The following JAK1 variants were observed in gnomAD, a reference collection of about 807,000 sequenced individuals.
JAK1 encodes Janus kinase 1.
A neutral mutation model predicts 136.6 loss-of-function variants in JAK1; 16 were observed. That is an observed-to-expected ratio of 0.12 (90% CI 0.08 to 0.18). The LOEUF (loss-of-function observed/expected upper bound fraction) is 0.18. Among genes scored for constraint, JAK1 ranks in the 10% least tolerant of loss-of-function variants. The pLI is 1.00. For synonymous variants in JAK1, 492 were observed against 519.5 expected (o/e 0.95, Z 0.72); for missense variants, 859 against 1,450.1 (o/e 0.59, Z 6.62).
At chr1:64,981,906 G>A (rs1414991237) in intron 2 of JAK1, among the ~76,000 whole-genome samples, 2 of 152,142 alleles carry the variant, frequency 1.3e-5, no homozygotes, top group East Asian at 3.8e-4. Flanking sequence ...TCACTAAGAA[G>A]AGCACTTATC....
intron 1 of JAK1, among the ~76,000 whole-genome samples, chr1:64,898,347 A>G (rs773434748): frequency 6.6e-6 from 1 of 152,210 alleles, no homozygotes; most frequent in Non-Finnish European, 1.5e-5. Context: ...GTCCTTGGAT[A>G]AAAGGGAATA....
intron 1 of JAK1, among the ~76,000 whole-genome samples, chr1:65,050,705 G>T (rs1185305015): frequency 6.6e-6 from 1 of 152,210 alleles, no homozygotes. Flanking sequence ...GGCAACAGTG[G>T]ACAGGGGAGG....
intron 1 of JAK1, among the ~76,000 whole-genome samples, chr1:64,926,263 C>T (rs1432590350): frequency 6.6e-6 from 1 of 152,110 alleles, no homozygotes; most frequent in Non-Finnish European, 1.5e-5. Flanking sequence ...TCTGAGTACA[C>T]ACTAGATCTT....
chr1:65,061,420 A>C (rs1647787093), intron 1 of JAK1, among the ~76,000 whole-genome samples: 1 of 152,322 alleles, frequency 6.6e-6, no homozygotes, highest in Admixed American at 6.5e-5. Context: ...AGTACAAATA[A>C]AAGCACAAAA....
chr1:65,049,398 G>C (rs1184385202), intron 1 of JAK1, among the ~76,000 whole-genome samples: 5 of 152,054 alleles, frequency 3.3e-5, no homozygotes, highest in African/African-American at 1.2e-4. Context: ...CTCCAGCCTG[G>C]GTAACAGAGT....
At position 64,886,341 on chromosome 1, in the gene JAK1, G is replaced by A. The variant is rs377245647; in HGVS notation, c.-77C>T. On this transcript the variant is annotated splice_region_variant and 5_prime_UTR_variant, in exon 2 of 25. Coordinates refer to ENST00000342505, the MANE Select transcript of JAK1 (RefSeq NM_002227.4). ...CTTTCCAAAGCTACTTCAGAGAAGC[G>A]CTAAAGACAAAAATAAATAAATAAA... The A allele has an allele frequency of 2.6e-5, 39 of 1,507,600 alleles. No individual in the cohort carries two copies. The East Asian group carries it at 4.2e-4, about 16-fold the overall frequency. The allele number at this position is 1,507,600 out of a possible 1,614,324, so 93.4% of individuals were successfully genotyped here.
intron 1 of JAK1, among the ~76,000 whole-genome samples, chr1:64,931,624 C>G (rs140330984): frequency 6.7e-4 from 102 of 152,246 alleles, no homozygotes; most frequent in African/African-American, 2.4e-3. Flanking sequence ...TCAGAGGCCT[C>G]AACCTTTGGG....
chr1:65,024,870 A>G (rs1021871316), intron 2 of JAK1, among the ~76,000 whole-genome samples: 3 of 151,990 alleles, frequency 2.0e-5, no homozygotes, highest in African/African-American at 7.2e-5. Flanking sequence ...TCAACTACTC[A>G]GGAGGCTGAG....
chr1:64,879,718 ACTT>A (rs1337816511), intron 3 of JAK1, among the ~76,000 whole-genome samples: 2 of 152,212 alleles, frequency 1.3e-5, no homozygotes, highest in African/African-American at 2.4e-5. Flanking sequence ...TAATAAATAT[ACTT>A]CTTAAGTACT....
chr1:65,021,996 C>A (rs978045934), intron 2 of JAK1, among the ~76,000 whole-genome samples: 4 of 152,090 alleles, frequency 2.6e-5, no homozygotes, highest in African/African-American at 9.7e-5. Flanking sequence ...AATAACACAA[C>A]GTTAGACTGT....
intron 1 of JAK1, among the ~76,000 whole-genome samples, chr1:64,958,061 CA>C (rs1399757742): frequency 1.3e-5 from 2 of 152,080 alleles, no homozygotes; most frequent in South Asian, 2.1e-4. Context: ...ATTGTTTTTT[CA>C]ACTAGCAAGG....
intron 1 of JAK1, among the ~76,000 whole-genome samples, chr1:64,933,761 C>G (rs1487424561): frequency 1.3e-5 from 2 of 152,296 alleles, no homozygotes; most frequent in East Asian, 3.9e-4. Flanking sequence ...ATTTCTGGCA[C>G]CACAAAATGC....
intron 1 of JAK1, chr1:64,942,297 T>C (rs1487927200): frequency 6.6e-6 from 1 of 152,198 alleles, no homozygotes; most frequent in Non-Finnish European, 1.5e-5. Flanking sequence ...GGCCCTTTGC[T>C]AGATAACCGG....
In JAK1 at chr1:65,029,121, G is replaced by A. The variant is rs533228457; in HGVS notation, c.-78+15359C>T. On this transcript the variant is annotated intron_variant, in intron 2 of 25. Transcript: ENST00000671954. The stretch of plus-strand genomic sequence containing the variant: ...TTCCTTTTTTTTTTCTCCTGAGACA[G>A]GGTCTCACTCTGTCACCCAGGCTAG... Among the ~76,000 whole-genome samples, 9 of 151,806 alleles carry A rather than the reference G, an allele frequency of 5.9e-5. No individual in the cohort carries two copies. In the South Asian group the frequency reaches 8.3e-4, roughly 14 times the overall value.
intron 1 of JAK1, among the ~76,000 whole-genome samples, chr1:65,051,905 G>A (rs1001348593): frequency 6.6e-5 from 10 of 152,022 alleles, no homozygotes; most frequent in East Asian, 1.9e-4. Flanking sequence ...ATTACAACCC[G>A]AAACCTTGTC....
chr1:65,021,400 T>G (rs519282), intron 2 of JAK1, among the ~76,000 whole-genome samples: 34,807 of 152,146 alleles, frequency 0.23, 5,140 homozygotes, highest in East Asian at 0.39. Context: ...TGTTCTTTCC[T>G]TCCATCGGCA....
intron 5 of JAK1, among the ~76,000 whole-genome samples, chr1:64,869,886 T>G (rs925540391): frequency 6.6e-6 from 1 of 152,136 alleles, no homozygotes; most frequent in Non-Finnish European, 1.5e-5. Context: ...TGTACAGAGT[T>G]GATGGGGCTC....
rs1362843020 is a variant in JAK1, at chr1:64,846,726, T to C, written c.1910A>G (p.Glu637Gly). 6.2e-7 allele frequency: 1 copy of C among 1,613,804 alleles called. No individual in the cohort carries two copies. The highest frequency in any genetic ancestry group is 1.1e-5 in the South Asian group (1 of 91,030). Reference protein sequence around the residue: ...SHRDISLAFFEAASMMRQVSH... With the variant: ...SHRDISLAFFGAASMMRQVSH... ...GACCTGTCTCATCATGCTGGCTGCCTCGAAGAAGGCCTGTGGGCGAGCAGG... is the reference window on the plus strand; with the variant it reads ...GACCTGTCTCATCATGCTGGCTGCCCCGAAGAAGGCCTGTGGGCGAGCAGG... Residue 637 changes from glutamate (E) to glycine (G), a missense_variant, in exon 14 of 25, where the codon GAG becomes GGG. Coordinates refer to ENST00000342505, the MANE Select transcript of JAK1 (RefSeq NM_002227.4).
intron 2 of JAK1, among the ~76,000 whole-genome samples, chr1:65,035,597 A>G (rs1229949050): frequency 6.6e-6 from 1 of 152,232 alleles, no homozygotes; most frequent in Non-Finnish European, 1.5e-5. Flanking sequence ...AGACGTCTGC[A>G]TAAAATAATG....
Sources: allele counts gnomAD v4.1 joint callset (sites outside exome capture counted in the v4.1 genomes callset), GRCh38; gene constraint gnomAD v4.1.1; transcripts MANE v1.5; gene names NCBI Gene and HGNC (gene_info 2026-07-23, HGNC 2026-07-21).